QTMAN: variants seen among roughly 807,000 people sequenced by gnomAD.
The protein encoded by QTMAN is tRNA-queuosine alpha-mannosyltransferase.
the QTMAN span, among the ~76,000 whole-genome samples, chr2:144,118,593 CG>C: frequency 6.6e-6 from 1 of 152,064 alleles, no homozygotes; most frequent in African/African-American, 2.4e-5. Flanking sequence ...CATAGAAATA[CG>C]GATTGTGGGC....
At chr2:144,038,519 G>A in the QTMAN span, among the ~76,000 whole-genome samples, 1 of 152,108 alleles carries the variant, frequency 6.6e-6, no homozygotes, top group Admixed American at 6.5e-5. Flanking sequence ...TCACTATTGA[G>A]TACTTTCACA....
chr2:144,076,376 A>G, the QTMAN span, among the ~76,000 whole-genome samples: 1 of 152,222 alleles, frequency 6.6e-6, no homozygotes, highest in African/African-American at 2.4e-5. Flanking sequence ...CCTGAGGTGC[A>G]CAGTCCCAAA....
At chr2:144,229,129 T>C in the QTMAN span, among the ~76,000 whole-genome samples, 9 of 152,228 alleles carry the variant, frequency 5.9e-5, no homozygotes, top group African/African-American at 2.2e-4. Flanking sequence ...TATTGTATTA[T>C]TTAATATTCC....
chr2:144,132,728 C>T, the QTMAN span, among the ~76,000 whole-genome samples: 33 of 151,940 alleles, frequency 2.2e-4, no homozygotes, highest in African/African-American at 7.7e-4. Context: ...GAATTTTGTT[C>T]CCCTTTGCTT....
At chr2:144,091,497 C>T in the QTMAN span, among the ~76,000 whole-genome samples, 2 of 152,152 alleles carry the variant, frequency 1.3e-5, no homozygotes, top group African/African-American at 4.8e-5. Context: ...AAATGTTATA[C>T]ACATCTATCT....
chr2:144,229,141 T>A, the QTMAN span, among the ~76,000 whole-genome samples: 3 of 152,356 alleles, frequency 2.0e-5, no homozygotes, highest in African/African-American at 7.2e-5. Flanking sequence ...TAATATTCCA[T>A]CTATCTCTAG....
the QTMAN span, among the ~76,000 whole-genome samples, chr2:144,267,283 A>G: frequency 3.9e-5 from 6 of 152,252 alleles, no homozygotes; most frequent in African/African-American, 1.4e-4. Flanking sequence ...GTAAACGCCT[A>G]GCAAAGGAAA....
the QTMAN span, among the ~76,000 whole-genome samples, chr2:144,169,528 ATTC>A: frequency 6.6e-6 from 1 of 152,164 alleles, no homozygotes; most frequent in South Asian, 2.1e-4. Flanking sequence ...CATGGATTTA[ATTC>A]TTTTTTATTA....
the QTMAN span, among the ~76,000 whole-genome samples, chr2:144,242,873 A>C: frequency 4.6e-5 from 7 of 150,864 alleles, no homozygotes; most frequent in Non-Finnish European, 8.8e-5. Context: ...GAGACATGAG[A>C]ATCACCTGAA....
At chr2:144,033,387 T>C in the QTMAN span, among the ~76,000 whole-genome samples, 1 of 152,280 alleles carries the variant, frequency 6.6e-6, no homozygotes, top group East Asian at 1.9e-4. Flanking sequence ...ACTAGATGAC[T>C]GGTTTATTGT....
At chr2:144,206,467 T>G in the QTMAN span, among the ~76,000 whole-genome samples, 1 of 152,296 alleles carries the variant, frequency 6.6e-6, no homozygotes, top group East Asian at 1.9e-4. Context: ...CTAAAAGTAT[T>G]CAAAAAAGTT....
the QTMAN span, among the ~76,000 whole-genome samples, chr2:144,076,867 C>G: frequency 6.6e-6 from 1 of 151,916 alleles, no homozygotes; most frequent in African/African-American, 2.4e-5. Context: ...GCCACTAATC[C>G]CAGCACTTTG....
chr2:144,104,780 T>C, the QTMAN span, among the ~76,000 whole-genome samples: 6 of 152,162 alleles, frequency 3.9e-5, no homozygotes, highest in African/African-American at 1.2e-4. Flanking sequence ...ACCATGGAGT[T>C]TGAGATCTGA....
the QTMAN span, among the ~76,000 whole-genome samples, chr2:144,308,557 A>G: frequency 2.0e-5 from 3 of 152,294 alleles, no homozygotes; most frequent in South Asian, 6.2e-4. Flanking sequence ...CTTACCGCAC[A>G]CTATATATAA....
the QTMAN span, among the ~76,000 whole-genome samples, chr2:144,184,943 C>T: frequency 6.6e-6 from 1 of 152,084 alleles, no homozygotes; most frequent in Non-Finnish European, 1.5e-5. Context: ...CTATATGATA[C>T]GGGACTTACC....
the QTMAN span, among the ~76,000 whole-genome samples, chr2:143,972,574 T>C: frequency 6.6e-6 from 1 of 152,184 alleles, no homozygotes; most frequent in Non-Finnish European, 1.5e-5. Context: ...CAGCAGGCTT[T>C]ATAAACCTCA....
the QTMAN span, among the ~76,000 whole-genome samples, chr2:144,242,960 TAAAA>T: frequency 1.6e-3 from 122 of 77,800 alleles, 1 homozygote; most frequent in African/African-American, 6.8e-3. Flanking sequence ...AGACTCTACT[TAAAA>T]AAAAAAAAAA....
the QTMAN span, among the ~76,000 whole-genome samples, chr2:144,156,887 G>A: frequency 3.9e-5 from 6 of 152,088 alleles, no homozygotes; most frequent in Admixed American, 1.3e-4. Context: ...CAGAAAGAAG[G>A]ACCTTAAAAT....
chr2:144,051,374 T>C, the QTMAN span, among the ~76,000 whole-genome samples: 4 of 145,876 alleles, frequency 2.7e-5, no homozygotes, highest in Admixed American at 2.7e-4. Context: ...CTACAAACAT[T>C]TTTTTTTTTA....
Sources: allele counts gnomAD v4.1 joint callset (sites outside exome capture counted in the v4.1 genomes callset), GRCh38; gene constraint gnomAD v4.1.1; transcripts MANE v1.5; gene names NCBI Gene and HGNC (gene_info 2026-07-23, HGNC 2026-07-21).